Variants in LRRC4C observed in about 807,000 individuals in gnomAD.
LRRC4C encodes the protein leucine rich repeat containing 4C, also known as leucine-rich repeat-containing protein 4C.
Under a neutral mutation model 33.6 loss-of-function variants are expected in LRRC4C, and 5 were observed. That is an observed-to-expected ratio of 0.15 (90% CI 0.08 to 0.31). The LOEUF (loss-of-function observed/expected upper bound fraction) is 0.31. LRRC4C is among the 10% of genes least tolerant of loss of function. LRRC4C has a pLI of 1.00. For synonymous variants in LRRC4C, 329 were observed against 302.0 expected, an observed-to-expected ratio of 1.09 and a Z score of -0.93; for missense variants, 560 against 796.7, an observed-to-expected ratio of 0.70 and a Z score of 3.58.
chr11:41,206,334 AC>A (rs1463976188), intron 1 of LRRC4C, among the ~76,000 whole-genome samples: 20 of 152,178 alleles, frequency 1.3e-4, no homozygotes, highest in Non-Finnish European at 2.2e-4. Flanking sequence ...TCAACTCAAA[AC>A]ACATAGGATA....
intron 3 of LRRC4C, among the ~76,000 whole-genome samples, chr11:40,407,927 T>TA (rs1293639578): frequency 1.3e-5 from 2 of 152,156 alleles, no homozygotes; most frequent in East Asian, 3.9e-4. Context: ...AATCACAATT[T>TA]AAAATATTAA....
At chr11:41,141,506 A>G (rs1360582517) in intron 1 of LRRC4C, among the ~76,000 whole-genome samples, 1 of 152,196 alleles carries the variant, frequency 6.6e-6, no homozygotes, top group East Asian at 1.9e-4. Flanking sequence ...GTTTGGCTCT[A>G]TGTCCCCACC....
At position 40,488,697 on chromosome 11, in the gene LRRC4C, C is replaced by A. The variant is rs530133125; in HGVS notation, c.-270+159445G>T. Among the ~76,000 whole-genome samples, 9 of 152,074 alleles carry A rather than the reference C, an allele frequency of 5.9e-5. No individual in the cohort carries two copies. The South Asian group carries it at 1.9e-3, about 32-fold the overall frequency. On this transcript the variant is annotated intron_variant, in intron 3 of 6. Transcript: ENST00000528697. ...ACGTGACTAAATCCTAAATGTATTC[C>A]TACGAGTTATGGCTTAGACTTCTGT...
intron 2 of LRRC4C, among the ~76,000 whole-genome samples, chr11:40,779,124 G>T (rs1410388247): frequency 6.6e-6 from 1 of 152,076 alleles, no homozygotes; most frequent in Admixed American, 6.6e-5. Context: ...AGTAGTAGTA[G>T]TGGAGATAAA....
Position 41,424,588 on chromosome 11 carries a change from G to A in LRRC4C, c.-496+34843C>T, listed in dbSNP as rs1011560555. Among the ~76,000 whole-genome samples the A allele has an allele frequency of 6.6e-5, 10 of 152,108 alleles. No homozygotes were observed. In the East Asian group the frequency reaches 1.4e-3, roughly 21 times the overall value. On this transcript the variant is annotated intron_variant, in intron 1 of 6. Transcript: ENST00000528697. ...CTCAGGATGACATGGTTTGTGGCTT[G>A]TTTGGACCAGTTACCAAGTACCAAG...
chr11:40,166,418 G>T (rs1859599986), intron 5 of LRRC4C, among the ~76,000 whole-genome samples: 1 of 152,144 alleles, frequency 6.6e-6, no homozygotes, highest in South Asian at 2.1e-4. Flanking sequence ...TACACTCTTT[G>T]ATGTCAGGAT....
chr11:40,982,682 T>G (rs1484842588), intron 1 of LRRC4C, among the ~76,000 whole-genome samples: 1 of 152,152 alleles, frequency 6.6e-6, no homozygotes, highest in African/African-American at 2.4e-5. Flanking sequence ...TCATTATAAC[T>G]TAAGGGGTAC....
chr11:40,574,016 C>T (rs753293100), intron 3 of LRRC4C, among the ~76,000 whole-genome samples: 11 of 152,090 alleles, frequency 7.2e-5, no homozygotes, highest in Non-Finnish European at 1.6e-4. Flanking sequence ...GTTAAAGTAG[C>T]TCAGTAATTT....
intron 2 of LRRC4C, among the ~76,000 whole-genome samples, chr11:40,908,004 T>C (rs1374107018): frequency 6.6e-6 from 1 of 152,218 alleles, no homozygotes; most frequent in African/African-American, 2.4e-5. Flanking sequence ...AACATAGGTA[T>C]TGTTGTTACT....
chr11:40,638,276 A>G (rs1373143242), intron 3 of LRRC4C, among the ~76,000 whole-genome samples: 3 of 152,190 alleles, frequency 2.0e-5, no homozygotes, highest in Non-Finnish European at 4.4e-5. Flanking sequence ...GTTCTCTGCT[A>G]TATCTCCAAA....
chr11:40,687,723 G>T (rs1393029946), intron 2 of LRRC4C, among the ~76,000 whole-genome samples: 1 of 151,972 alleles, frequency 6.6e-6, no homozygotes, highest in Non-Finnish European at 1.5e-5. Flanking sequence ...GACAAAACCT[G>T]TCTATAATTT....
chr11:40,318,521 C>T (rs1945686225), intron 4 of LRRC4C, among the ~76,000 whole-genome samples: 2 of 152,084 alleles, frequency 1.3e-5, no homozygotes, highest in Non-Finnish European at 2.9e-5. Flanking sequence ...CAGTCTTGCA[C>T]CAAGCCCATT....
intron 1 of LRRC4C, among the ~76,000 whole-genome samples, chr11:41,285,916 G>A (rs1414698011): frequency 2.6e-5 from 4 of 151,752 alleles, no homozygotes; most frequent in African/African-American, 4.8e-5. Flanking sequence ...TGCAACCTCC[G>A]CCTCCCAGGT....
intron 3 of LRRC4C, among the ~76,000 whole-genome samples, chr11:40,442,105 A>G (rs10837414): frequency 0.4 from 56,438 of 141,988 alleles, 11,105 homozygotes; most frequent in East Asian, 0.56. Flanking sequence ...GGAGCTTGCA[A>G]TGAGCAGAGA....
At chr11:40,719,433 C>T (rs1208324190) in intron 2 of LRRC4C, among the ~76,000 whole-genome samples, 1 of 152,056 alleles carries the variant, frequency 6.6e-6, no homozygotes, top group African/African-American at 2.4e-5. Context: ...TTTTTCCAAG[C>T]AAACTTTTAC....
intron 1 of LRRC4C, among the ~76,000 whole-genome samples, chr11:41,207,082 C>T (rs894779405): frequency 1.3e-5 from 2 of 151,940 alleles, no homozygotes; most frequent in African/African-American, 4.8e-5. Flanking sequence ...ATGCCAGTAC[C>T]CAGTCCTCCT....
At chr11:40,225,476 A>T (rs935413279) in intron 5 of LRRC4C, among the ~76,000 whole-genome samples, 7 of 152,146 alleles carry the variant, frequency 4.6e-5, no homozygotes, top group Non-Finnish European at 1.0e-4. Flanking sequence ...TGGAAGTGTG[A>T]CTATCATATT....
rs112292993 is a variant in LRRC4C at position 40,418,076 on chromosome 11, C to A, written c.-269-98355G>T. 2.3e-4 allele frequency among the ~76,000 whole-genome samples: 35 copies of A among 152,314 alleles called. 3 individuals are homozygous for A. Among genetic ancestry groups the A allele is most frequent in the African/African-American group, 7.7e-4 (32 of 41,568 alleles). ...TTCCTACACAAAACAAAGTCTGTGT[C>A]TTCCACTAGTAAAAACCAGTCCTTG... On this transcript the variant is annotated intron_variant, in intron 3 of 6. Transcript: ENST00000528697.
intron 3 of LRRC4C, among the ~76,000 whole-genome samples, chr11:40,580,394 C>T (rs1011397757): frequency 3.3e-5 from 5 of 152,010 alleles, no homozygotes; most frequent in Non-Finnish European, 5.9e-5. Flanking sequence ...AAACTGTTCC[C>T]GTGATCAAAT....
Sources: allele counts gnomAD v4.1 joint callset (sites outside exome capture counted in the v4.1 genomes callset), GRCh38; gene constraint gnomAD v4.1.1; transcripts MANE v1.5; gene names NCBI Gene and HGNC (gene_info 2026-07-23, HGNC 2026-07-21).